Variants in MGAT5 observed in about 807,000 individuals in gnomAD.
The protein encoded by MGAT5 is alpha-1,6-mannosylglycoprotein 6-beta-N-acetylglucosaminyltransferase.
Under a neutral mutation model 94.3 loss-of-function variants are expected in MGAT5, and 30 were observed. The ratio of observed to expected loss-of-function variants is 0.32; its 90% CI spans 0.24 to 0.43. The LOEUF (loss-of-function observed/expected upper bound fraction) is 0.43. Among genes scored for constraint, MGAT5 ranks in the 20% least tolerant of loss-of-function variants. The pLI, the probability that MGAT5 is intolerant of heterozygous loss-of-function variation, is 1.00. For synonymous variants in MGAT5, 310 were observed against 322.9 expected (o/e 0.96, Z 0.43); for missense variants, 691 against 905.5 (o/e 0.76, Z 3.04).
intron 2 of MGAT5, among the ~76,000 whole-genome samples, chr2:134,316,945 A>G (rs1199164695): frequency 6.6e-6 from 1 of 152,230 alleles, no homozygotes; most frequent in Non-Finnish European, 1.5e-5. Context: ...TAAAACAATA[A>G]GGAGAACTTT....
intron 2 of MGAT5, 72 bp downstream of exon 2, chr2:134,270,622 GC>G: frequency 6.8e-7 from 1 of 1,470,180 alleles, no homozygotes; most frequent in Non-Finnish European, 9.3e-7. Flanking sequence ...ATAAAGGAGA[GC>G]AGTGGTTCTT....
Position 134,441,860 on chromosome 2 carries a change from C to T in MGAT5, c.1972C>T (p.Leu658Phe), listed in dbSNP as rs1370599681. ...SCKQVCQESQ[L>F]ICEPSFFQHL... is the part of the protein sequence containing the mutation. The stretch of plus-strand genomic sequence containing the variant: ...CAAGCAGGTGTGCCAGGAGAGCCAG[C>T]TCATCTGCGAGCCTTCTTTCTTCCA... Residue 658 changes from leucine to phenylalanine, a missense_variant, in exon 15 of 16, where the codon CTC becomes TTC. By Grantham distance (22) the Leu-to-Phe change is conservative. This residue lies in a region of MGAT5 where 260 missense variants were observed against 347.0 expected (regional missense o/e 0.75). Transcript: ENST00000281923. 1 of 1,613,984 alleles carries T rather than the reference C, an allele frequency of 6.2e-7. No individual in the cohort carries two copies. The highest frequency in any genetic ancestry group is 2.2e-5 in the East Asian group (1 of 44,882).
intron 9 of MGAT5, among the ~76,000 whole-genome samples, chr2:134,353,971 C>G (rs1179898292): frequency 6.6e-6 from 1 of 152,174 alleles, no homozygotes; most frequent in Non-Finnish European, 1.5e-5. Context: ...GCAAGAGGGT[C>G]CCTTTCTTCC....
intron 10 of MGAT5, among the ~76,000 whole-genome samples, chr2:134,383,149 AT>A (rs2106212440): frequency 1.3e-5 from 2 of 152,326 alleles, no homozygotes; most frequent in South Asian, 4.1e-4. Flanking sequence ...TTTTAAAGAG[AT>A]TTCAGAGACA....
At chr2:134,162,174 A>C (rs2105069549) in intron 1 of MGAT5, among the ~76,000 whole-genome samples, 1 of 152,150 alleles carries the variant, frequency 6.6e-6, no homozygotes, top group African/African-American at 2.4e-5. Flanking sequence ...TGGGTGACAG[A>C]GCAGGACTCC....
chr2:134,138,947 T>C (rs948883737), intron 1 of MGAT5, among the ~76,000 whole-genome samples: 1 of 152,188 alleles, frequency 6.6e-6, no homozygotes. Context: ...TCTCTGATCT[T>C]AAATTGTGCC....
intron 11 of MGAT5, among the ~76,000 whole-genome samples, 187 bp downstream of exon 11, chr2:134,403,324 T>C (rs1263823374): frequency 2.6e-5 from 4 of 152,234 alleles, no homozygotes; most frequent in African/African-American, 9.6e-5. Flanking sequence ...ACAGTTTTTT[T>C]CATTGATTTA....
intron 10 of MGAT5, among the ~76,000 whole-genome samples, chr2:134,387,324 ATATATATATT>A (rs1420285871): frequency 5.7e-3 from 233 of 41,082 alleles, no homozygotes; most frequent in Non-Finnish European, 7.0e-3. Context: ...ATATATATAT[ATATATATATT>A]TTTTTTTTTT....
chr2:134,163,745 ATTACC>A (rs1429535966), intron 1 of MGAT5, among the ~76,000 whole-genome samples: 1 of 152,174 alleles, frequency 6.6e-6, no homozygotes, highest in Admixed American at 6.5e-5. Flanking sequence ...GTTCCCATTC[ATTACC>A]TTAACATTGT....
At chr2:134,389,264 A>G (rs535240876) in intron 10 of MGAT5, among the ~76,000 whole-genome samples, 3 of 152,262 alleles carry the variant, frequency 2.0e-5, no homozygotes, top group African/African-American at 7.2e-5. Context: ...TAATTTAAAT[A>G]TATTTGTTTT....
At chr2:134,346,214 C>A (rs1425056794) in intron 8 of MGAT5, among the ~76,000 whole-genome samples, 1 of 152,048 alleles carries the variant, frequency 6.6e-6, no homozygotes, top group Non-Finnish European at 1.5e-5. Flanking sequence ...ACTCACATAT[C>A]CTCGCTGTTA....
At chr2:134,235,690 C>T (rs1681602684) in intron 1 of MGAT5, among the ~76,000 whole-genome samples, 1 of 150,980 alleles carries the variant, frequency 6.6e-6, no homozygotes, top group Non-Finnish European at 1.5e-5. Flanking sequence ...TCCTGCTGTA[C>T]TGCTGTAGGG....
chr2:134,216,769 G>T (rs1680518406), intron 1 of MGAT5, among the ~76,000 whole-genome samples: 1 of 152,196 alleles, frequency 6.6e-6, no homozygotes, highest in Middle Eastern at 3.2e-3. Context: ...GGTGATTATT[G>T]TGGTTTCTCA....
At chr2:134,296,613 A>G (rs956285124) in intron 2 of MGAT5, among the ~76,000 whole-genome samples, 1 of 152,166 alleles carries the variant, frequency 6.6e-6, no homozygotes, top group Non-Finnish European at 1.5e-5. Context: ...GACAGTAAAA[A>G]ATAGAAAATC....
intron 10 of MGAT5, among the ~76,000 whole-genome samples, chr2:134,376,794 G>A (rs965499395): frequency 4.6e-5 from 7 of 152,150 alleles, no homozygotes; most frequent in Admixed American, 3.9e-4. Context: ...CAGTGTGCTG[G>A]CTTCTGTAGG....
At chr2:134,443,247 T>C (rs1051651823) in intron 15 of MGAT5, among the ~76,000 whole-genome samples, 4 of 152,134 alleles carry the variant, frequency 2.6e-5, no homozygotes, top group Admixed American at 6.5e-5. Flanking sequence ...TGGAGTGCAG[T>C]GGCGCGATCT....
chr2:134,394,798 A>G (rs1682614965), intron 10 of MGAT5, among the ~76,000 whole-genome samples: 1 of 152,174 alleles, frequency 6.6e-6, no homozygotes, highest in African/African-American at 2.4e-5. Context: ...TCCTGTAATA[A>G]TAGGAGACAC....
intron 10 of MGAT5, among the ~76,000 whole-genome samples, chr2:134,385,057 A>G (rs1036148175): frequency 6.6e-6 from 1 of 152,210 alleles, no homozygotes; most frequent in African/African-American, 2.4e-5. Context: ...ATACAGTACT[A>G]TACCCTCTGC....
intron 2 of MGAT5, among the ~76,000 whole-genome samples, chr2:134,291,774 C>T (rs1384063863): frequency 6.6e-6 from 1 of 152,204 alleles, no homozygotes; most frequent in Non-Finnish European, 1.5e-5. Context: ...ATAACAGCTG[C>T]TATGACTACT....
Sources: allele counts gnomAD v4.1 joint callset (sites outside exome capture counted in the v4.1 genomes callset), GRCh38; gene constraint gnomAD v4.1.1; regional missense constraint gnomAD v4.1.1; transcripts MANE v1.5; gene names NCBI Gene and HGNC (gene_info 2026-07-23, HGNC 2026-07-21).